TBC1D19: variants seen among roughly 807,000 people sequenced by gnomAD.
TBC1D19 encodes TBC1 domain family, member 19.
TBC1D19 carries 60 observed loss-of-function variants against 89.0 expected under a neutral mutation model. That is an observed-to-expected ratio of 0.67 (90% CI 0.55 to 0.84). TBC1D19 has a LOEUF of 0.84. TBC1D19 is among the 40% of genes least tolerant of loss of function. The pLI, the probability that TBC1D19 is intolerant of heterozygous loss-of-function variation, is 0.00. For synonymous variants in TBC1D19, 189 were observed against 199.7 expected (o/e 0.95, Z 0.45); for missense variants, 500 against 610.8 (o/e 0.82, Z 1.91).
intron 15 of TBC1D19, among the ~76,000 whole-genome samples, chr4:26,726,760 A>G (rs1717345104): frequency 6.7e-6 from 1 of 149,682 alleles, no homozygotes; most frequent in Non-Finnish European, 1.5e-5. Flanking sequence ...GAAGTGAATC[A>G]GATAGGCGAG....
chr4:26,604,532 C>T (rs1476792361), intron 1 of TBC1D19, among the ~76,000 whole-genome samples: 5 of 151,472 alleles, frequency 3.3e-5, no homozygotes, highest in Non-Finnish European at 2.9e-5. Flanking sequence ...TCCATTTATC[C>T]ATCTATAGAC....
At chr4:26,633,980 C>T (rs2110066014) in intron 4 of TBC1D19, among the ~76,000 whole-genome samples, 2 of 151,712 alleles carry the variant, frequency 1.3e-5, no homozygotes, top group East Asian at 3.9e-4. Flanking sequence ...CACTTTTTCT[C>T]AAATCATATT....
At chr4:26,776,962 T>C in the TBC1D19 span, among the ~76,000 whole-genome samples, 1 of 152,198 alleles carries the variant, frequency 6.6e-6, no homozygotes, top group Non-Finnish European at 1.5e-5. Context: ...GTGTGCTCTT[T>C]CAATATGTAA....
At chr4:26,585,963 T>A (rs1032579046) in intron 1 of TBC1D19, among the ~76,000 whole-genome samples, 2 of 152,156 alleles carry the variant, frequency 1.3e-5, no homozygotes, top group African/African-American at 4.8e-5. Context: ...ACATAAATTT[T>A]TATCAATTGT....
intron 13 of TBC1D19, among the ~76,000 whole-genome samples, chr4:26,690,819 G>A (rs4355378): frequency 0.46 from 69,274 of 152,132 alleles, 17,552 homozygotes; most frequent in Admixed American, 0.6. Flanking sequence ...CTAGTAACAC[G>A]ACATCCATTC....
intron 13 of TBC1D19, among the ~76,000 whole-genome samples, chr4:26,699,629 G>A (rs11732942): frequency 0.39 from 59,698 of 151,462 alleles, 12,235 homozygotes; most frequent in Non-Finnish European, 0.46. Flanking sequence ...TCCAACAATT[G>A]TAGACTGGAT....
chr4:26,836,791 C>G, the TBC1D19 span, among the ~76,000 whole-genome samples: 2 of 152,218 alleles, frequency 1.3e-5, no homozygotes, highest in Non-Finnish European at 2.9e-5. Context: ...CCAGAACTGG[C>G]AAGCCTCACA....
intron 8 of TBC1D19, among the ~76,000 whole-genome samples, chr4:26,663,544 G>T (rs182345550): frequency 6.6e-6 from 1 of 152,216 alleles, no homozygotes; most frequent in Non-Finnish European, 1.5e-5. Context: ...TTCAGCTTAT[G>T]TGTGAATGAG....
At chr4:26,600,780 A>G (rs1160258805) in intron 1 of TBC1D19, among the ~76,000 whole-genome samples, 1 of 152,208 alleles carries the variant, frequency 6.6e-6, no homozygotes, top group Non-Finnish European at 1.5e-5. Flanking sequence ...ATTGAGTATA[A>G]GGCATGGTCA....
At chr4:26,618,598 G>A (rs910179031) in intron 3 of TBC1D19, among the ~76,000 whole-genome samples, 1 of 152,122 alleles carries the variant, frequency 6.6e-6, no homozygotes, top group African/African-American at 2.4e-5. Flanking sequence ...TTTAAAAATT[G>A]TAAGTAAAAT....
chr4:26,579,541 G>A (rs1218026270), upstream of TBC1D19, among the ~76,000 whole-genome samples: 3 of 150,488 alleles, frequency 2.0e-5, no homozygotes, highest in Non-Finnish European at 1.5e-5. Context: ...TGTGCAGAAT[G>A]TTCAGGTTTG....
At chr4:26,830,173 C>T in the TBC1D19 span, among the ~76,000 whole-genome samples, 1 of 152,332 alleles carries the variant, frequency 6.6e-6, no homozygotes, top group South Asian at 2.1e-4. Flanking sequence ...TAACTGTTTA[C>T]TCAACTTGAC....
intron 3 of TBC1D19, among the ~76,000 whole-genome samples, chr4:26,615,855 T>G (rs1383332615): frequency 2.6e-5 from 4 of 152,170 alleles, no homozygotes; most frequent in African/African-American, 9.7e-5. Context: ...TTACAATATG[T>G]ACTAAAGGTG....
chr4:26,757,569 T>C (rs1719317873), downstream of TBC1D19, among the ~76,000 whole-genome samples: 1 of 152,232 alleles, frequency 6.6e-6, no homozygotes. Flanking sequence ...GAAGAGTTTA[T>C]TGAATAATGG....
intron 15 of TBC1D19, among the ~76,000 whole-genome samples, chr4:26,721,582 C>G (rs552159938): frequency 6.6e-6 from 1 of 152,222 alleles, no homozygotes; most frequent in East Asian, 1.9e-4. Flanking sequence ...TTACACTGCT[C>G]ATTTGAGTTA....
intron 1 of TBC1D19, among the ~76,000 whole-genome samples, chr4:26,605,362 G>A (rs965131130): frequency 2.0e-4 from 30 of 150,782 alleles, no homozygotes; most frequent in African/African-American, 6.6e-4. Context: ...TTTCATCCAT[G>A]TCCCTACAAA....
Position 26,635,663 on chromosome 4 carries a change from G to A in TBC1D19, c.295-1548G>A, listed in dbSNP as rs562596363. Among the ~76,000 whole-genome samples the A allele has an allele frequency of 1.3e-4, 20 of 152,156 alleles. No homozygotes were observed. The South Asian group carries it at 3.9e-3, about 30-fold the overall frequency. On this transcript the variant is annotated intron_variant, in intron 4 of 20. Transcript: ENST00000264866. ...TTTAAAATACTTGCAACATTACTTA[G>A]AGTAGAAATATGTTTAATTATTGAG...
intron 11 of TBC1D19, among the ~76,000 whole-genome samples, chr4:26,681,815 G>T (rs1713371200): frequency 6.6e-6 from 1 of 152,066 alleles, no homozygotes. Context: ...CCATGATATG[G>T]CATTAGGTTA....
intron 7 of TBC1D19, among the ~76,000 whole-genome samples, chr4:26,650,105 A>C (rs2430501): frequency 1.4e-4 from 21 of 151,956 alleles, no homozygotes; most frequent in Non-Finnish European, 2.8e-4. Flanking sequence ...CTTAATCCAG[A>C]CTACCATTGT....
Sources: allele counts gnomAD v4.1 joint callset (sites outside exome capture counted in the v4.1 genomes callset), GRCh38; gene constraint gnomAD v4.1.1; transcripts MANE v1.5; gene names NCBI Gene and HGNC (gene_info 2026-07-23, HGNC 2026-07-21).